RBFOX1: variants seen among roughly 807,000 people sequenced by gnomAD.
RBFOX1 encodes RNA binding protein fox-1 homolog 1.
Under a neutral mutation model 57.7 loss-of-function variants are expected in RBFOX1, and 8 were observed. That is an observed-to-expected ratio of 0.14 (90% CI 0.08 to 0.25). RBFOX1 has a LOEUF of 0.25. RBFOX1 is among the 10% of genes least tolerant of loss of function. The pLI, the probability that RBFOX1 is intolerant of heterozygous loss-of-function variation, is 1.00. For missense variants in RBFOX1, 611 were observed against 548.5 expected (o/e 1.11, Z -1.14); for synonymous variants, 326 against 222.4 (o/e 1.47, Z -4.15).
rs576279602 is a variant in RBFOX1, at chr16:7,044,776, C to T, written c.-15-7281C>T. Among the ~76,000 whole-genome samples the T allele has an allele frequency of 3.3e-5, 5 of 152,238 alleles. No individual in the cohort carries two copies. The East Asian group carries it at 9.6e-4, about 29-fold the overall frequency. ...TGTACATTTAAGATATTTTTCAAGG[C>T]TAGCTTTTAAAGAATGCACAGGCAG... On this transcript the variant is annotated intron_variant, in intron 3 of 15. Coordinates refer to ENST00000550418, the MANE Select transcript of RBFOX1 (RefSeq NM_018723.4).
At chr16:7,570,173 T>TC (rs2092627985) in intron 5 of RBFOX1, among the ~76,000 whole-genome samples, 1 of 147,156 alleles carries the variant, frequency 6.8e-6, no homozygotes, top group Admixed American at 6.7e-5. Flanking sequence ...CTTTTTTTTT[T>TC]TTTTTAAAAA....
At chr16:5,992,997 G>A (rs767725473) in intron 4 of RBFOX1, among the ~76,000 whole-genome samples, 2 of 152,168 alleles carry the variant, frequency 1.3e-5, no homozygotes, top group Admixed American at 6.5e-5. Flanking sequence ...TGAGTCAGTA[G>A]TAGGACATGG....
chr16:6,745,056 C>T (rs934430450), intron 3 of RBFOX1, among the ~76,000 whole-genome samples: 2 of 151,904 alleles, frequency 1.3e-5, no homozygotes, highest in Admixed American at 6.6e-5. Context: ...TATGAACAAC[C>T]TTATTTTATG....
At chr16:7,092,430 C>A (rs932531028) in intron 4 of RBFOX1, among the ~76,000 whole-genome samples, 1 of 152,174 alleles carries the variant, frequency 6.6e-6, no homozygotes, top group Admixed American at 6.5e-5. Context: ...GTTTTGTAAC[C>A]TGCTTTTATC....
At chr16:6,960,400 T>C (rs921919302) in intron 3 of RBFOX1, among the ~76,000 whole-genome samples, 3 of 152,110 alleles carry the variant, frequency 2.0e-5, no homozygotes, top group Non-Finnish European at 2.9e-5. Flanking sequence ...GTTGGTCTGG[T>C]GATATTTCCC....
chr16:6,189,413 G>A (rs572762103), intron 1 of RBFOX1, among the ~76,000 whole-genome samples: 28 of 152,298 alleles, frequency 1.8e-4, no homozygotes, highest in African/African-American at 6.5e-4. Context: ...AGCTGTTAAT[G>A]CAGAGTCGCT....
chr16:6,883,875 T>A (rs530143649), intron 3 of RBFOX1, among the ~76,000 whole-genome samples: 67 of 152,224 alleles, frequency 4.4e-4, no homozygotes, highest in Admixed American at 7.9e-4. Flanking sequence ...AAATGTTAAA[T>A]GTTTTTAATA....
chr16:6,871,723 A>AT (rs2060919736), intron 3 of RBFOX1, among the ~76,000 whole-genome samples: 1 of 151,966 alleles, frequency 6.6e-6, no homozygotes, highest in African/African-American at 2.4e-5. Context: ...AGAAAGAGTG[A>AT]TTTTCTGTTA....
chr16:6,308,767 A>T (rs1008079105), intron 1 of RBFOX1, among the ~76,000 whole-genome samples: 2 of 152,174 alleles, frequency 1.3e-5, no homozygotes, highest in African/African-American at 4.8e-5. Flanking sequence ...GGAATAAGAG[A>T]TGCAAATGCT....
chr16:6,543,701 T>C (rs1447961353), intron 2 of RBFOX1, among the ~76,000 whole-genome samples: 6 of 152,138 alleles, frequency 3.9e-5, no homozygotes. Flanking sequence ...TACGGGATTA[T>C]GTGGAAGTCT....
chr16:5,417,068 C>G (rs1215883267), intron 1 of RBFOX1, among the ~76,000 whole-genome samples: 1 of 152,226 alleles, frequency 6.6e-6, no homozygotes, highest in African/African-American at 2.4e-5. Flanking sequence ...CCCAGTGAAT[C>G]CTACCGAAGT....
Position 7,642,887 on chromosome 16 carries a change from C to G in RBFOX1, c.758-10928C>G, listed in dbSNP as rs117925185. Among the ~76,000 whole-genome samples, 616 of 152,322 alleles carry G rather than the reference C, an allele frequency of 4.0e-3. 3 individuals are homozygous for G. Among genetic ancestry groups the G allele is most frequent in the Non-Finnish European group, 6.7e-3 (457 of 68,028 alleles). On this transcript the variant is annotated intron_variant, in intron 11 of 15. Coordinates refer to ENST00000550418, the MANE Select transcript of RBFOX1 (RefSeq NM_018723.4). ...TTCTGCCAAGTTAAACACTCCAAGA[C>G]TGAGACTCATTCTCATTTTGCCGAA...
At chr16:6,295,422 C>G (rs2077992788) in intron 1 of RBFOX1, among the ~76,000 whole-genome samples, 1 of 152,158 alleles carries the variant, frequency 6.6e-6, no homozygotes, top group African/African-American at 2.4e-5. Flanking sequence ...CCGTGCCTGG[C>G]CCCTTAAGTG....
At chr16:5,546,022 A>G (rs2045188216) in intron 2 of RBFOX1, among the ~76,000 whole-genome samples, 1 of 152,194 alleles carries the variant, frequency 6.6e-6, no homozygotes, top group African/African-American at 2.4e-5. Context: ...GTATTTCTAT[A>G]TAATAACAAT....
At chr16:7,702,662 A>G (rs1189578022) in intron 14 of RBFOX1, among the ~76,000 whole-genome samples, 1 of 152,078 alleles carries the variant, frequency 6.6e-6, no homozygotes, top group African/African-American at 2.4e-5. Flanking sequence ...CCTGGCCAAT[A>G]TTGGCTGTGA....
Position 5,249,429 on chromosome 16 carries a change from G to A in RBFOX1, c.219+9324G>A, listed in dbSNP as rs576286651. Among the ~76,000 whole-genome samples, 8 of 152,330 alleles carry A rather than the reference G, an allele frequency of 5.3e-5. No homozygotes were observed. In the South Asian group the frequency reaches 1.7e-3, roughly 32 times the overall value. On this transcript the variant is annotated intron_variant, in intron 1 of 2. Coordinates refer to the RBFOX1 transcript ENST00000585867. ...GTGGCTTGAAAGCCTGTCGGCTTAA[G>A]TTGCAAGGTGTAGGTGCCTGGGAGG...
At chr16:7,590,398 A>T (rs1019464170) in intron 7 of RBFOX1, among the ~76,000 whole-genome samples, 58 of 152,336 alleles carry the variant, frequency 3.8e-4, no homozygotes, top group African/African-American at 1.3e-3. Context: ...CAGAAAATCC[A>T]CATTTTAAAG....
intron 3 of RBFOX1, among the ~76,000 whole-genome samples, chr16:6,906,240 C>A (rs934294937): frequency 3.0e-5 from 2 of 67,038 alleles, no homozygotes; most frequent in Non-Finnish European, 5.3e-5. Context: ...CAATTTATTA[C>A]CCCCCCCCAA....
intron 14 of RBFOX1, among the ~76,000 whole-genome samples, chr16:7,708,527 GACCCTTTAA>G: frequency 2.0e-5 from 3 of 152,134 alleles, no homozygotes; most frequent in African/African-American, 4.8e-5. Flanking sequence ...GGGTCCCACA[GACCCTTTAA>G]GGCTGCTTCC....
Sources: gnomAD v4.1 joint callset for allele counts (sites outside exome capture counted in the v4.1 genomes callset) on GRCh38, gnomAD v4.1.1 for gene constraint, MANE v1.5 for transcripts, NCBI Gene and HGNC (gene_info 2026-07-23, HGNC 2026-07-21) for gene names.